The following NRXN1 variants were observed in gnomAD, a reference collection of about 807,000 sequenced individuals.
NRXN1 encodes the protein neurexin 1.
Under a neutral mutation model 150.9 loss-of-function variants are expected in NRXN1, and 39 were observed. The ratio of observed to expected loss-of-function variants is 0.26; its 90% CI spans 0.20 to 0.34. NRXN1 has a LOEUF of 0.34. Ranked by LOEUF, NRXN1 falls within the 10% of genes least tolerant of loss-of-function variation. The pLI is 1.00. For missense variants in NRXN1, 1,815 were observed against 1,949.9 expected, an observed-to-expected ratio of 0.93 and a Z score of 1.30; for synonymous variants, 924 against 757.0, an observed-to-expected ratio of 1.22 and a Z score of -3.62.
chr2:50,453,262 C>T (rs1293872926), intron 17 of NRXN1, among the ~76,000 whole-genome samples: 3 of 152,090 alleles, frequency 2.0e-5, no homozygotes, highest in Non-Finnish European at 4.4e-5. Flanking sequence ...GCACTACCTC[C>T]CAGAGTTCCC....
At chr2:50,829,994 T>A (rs1251671077) in intron 5 of NRXN1, among the ~76,000 whole-genome samples, 2 of 46,438 alleles carry the variant, frequency 4.3e-5, no homozygotes, top group African/African-American at 2.7e-4. Flanking sequence ...GAATACTGCC[T>A]GCTGGAAAAA....
chr2:51,027,990 A>C lies in NRXN1; in HGVS notation c.284T>G (p.Ile95Ser). The C allele has an allele frequency of 3.7e-6, 6 of 1,600,990 alleles. No individual in the cohort carries two copies. Among genetic ancestry groups the C allele is most frequent in the Non-Finnish European group, 5.1e-6 (6 of 1,178,680 alleles). ...GAGCGTCGCAGGCTCAGCGCAGAAG[A>C]TGGAGAAGCTGAGCTGCAGGCGGCC... The part of the protein sequence containing the change: ...RGGRLQLSFS[I>S]FCAEPATLLA... Residue 95 changes from isoleucine to serine, a missense_variant, in exon 2 of 23, where the codon ATC becomes AGC. Ile to Ser is a moderately radical substitution (Grantham distance 142, BLOSUM62 -2). Transcript: ENST00000401669.
At chr2:50,907,909 T>A (rs188971086) in intron 5 of NRXN1, among the ~76,000 whole-genome samples, 1 of 152,108 alleles carries the variant, frequency 6.6e-6, no homozygotes, top group Non-Finnish European at 1.5e-5. Context: ...TAATTTGTTA[T>A]GGCATCAATA....
At chr2:50,185,118 C>G (rs2060981362) in intron 18 of NRXN1, among the ~76,000 whole-genome samples, 1 of 152,080 alleles carries the variant, frequency 6.6e-6, no homozygotes, top group Non-Finnish European at 1.5e-5. Context: ...ATGAGAGAAA[C>G]TGAATGATCT....
intron 17 of NRXN1, among the ~76,000 whole-genome samples, chr2:50,387,094 A>G (rs1276513379): frequency 6.6e-6 from 1 of 152,160 alleles, no homozygotes; most frequent in Non-Finnish European, 1.5e-5. Context: ...GGTCTGATTC[A>G]CCCAATGGTT....
At chr2:50,210,252 A>G (rs1246962765) in intron 18 of NRXN1, among the ~76,000 whole-genome samples, 2 of 151,984 alleles carry the variant, frequency 1.3e-5, no homozygotes, top group African/African-American at 4.8e-5. Flanking sequence ...CATTATAAAA[A>G]TAACAACTCA....
At chr2:50,600,579 C>T (rs1201189855) in intron 8 of NRXN1, among the ~76,000 whole-genome samples, 1 of 152,150 alleles carries the variant, frequency 6.6e-6, no homozygotes, top group Non-Finnish European at 1.5e-5. Context: ...CCTGCCTCAG[C>T]CTCCCAAAGT....
intron 17 of NRXN1, among the ~76,000 whole-genome samples, chr2:50,276,793 C>T (rs1326369872): frequency 2.6e-5 from 4 of 151,996 alleles, no homozygotes; most frequent in African/African-American, 9.7e-5. Context: ...TAGGAAATCC[C>T]CTGTTTTAAT....
At chr2:50,993,628 T>C (rs1455321452) in intron 2 of NRXN1, among the ~76,000 whole-genome samples, 1 of 151,996 alleles carries the variant, frequency 6.6e-6, no homozygotes, top group East Asian at 1.9e-4. Context: ...CAACAGCTCA[T>C]GCTAAAATAT....
At chr2:50,684,881 AATACTT>A (rs1461579910) in intron 5 of NRXN1, among the ~76,000 whole-genome samples, 1 of 152,190 alleles carries the variant, frequency 6.6e-6, no homozygotes, top group Non-Finnish European at 1.5e-5. Flanking sequence ...ACATATTACT[AATACTT>A]GAAGAGTACT....
At chr2:50,426,503 GTATTT>G in intron 17 of NRXN1, among the ~76,000 whole-genome samples, 1 of 152,086 alleles carries the variant, frequency 6.6e-6, no homozygotes, top group Non-Finnish European at 1.5e-5. Flanking sequence ...ACAGTGTATT[GTATTT>G]TGTTTTCTAC....
At chr2:50,794,042 A>G (rs1022457286) in intron 5 of NRXN1, among the ~76,000 whole-genome samples, 1 of 152,066 alleles carries the variant, frequency 6.6e-6, no homozygotes, top group African/African-American at 2.4e-5. Flanking sequence ...AAGCCGTTAA[A>G]CACCCTAAAA....
chr2:49,950,860 T>G (rs1673820224), intron 21 of NRXN1, among the ~76,000 whole-genome samples: 1 of 152,006 alleles, frequency 6.6e-6, no homozygotes, highest in Non-Finnish European at 1.5e-5. Flanking sequence ...CAAATACCCC[T>G]TAAAACAGCC....
intron 10 of NRXN1, among the ~76,000 whole-genome samples, chr2:50,531,864 G>T (rs1325174634): frequency 3.3e-5 from 5 of 151,950 alleles, no homozygotes; most frequent in African/African-American, 1.2e-4. Context: ...TTGTTTGTTT[G>T]TTTGAGACAA....
chr2:49,960,374 CT>C lies in NRXN1; in HGVS notation c.4129-16584del, dbSNP rs147044869. On this transcript the variant is annotated intron_variant, in intron 21 of 22. Coordinates refer to ENST00000401669, the MANE Select transcript of NRXN1 (RefSeq NM_001330078.2). ...AGAGATCTAGTCATTCATATCTGCT[CT>C]TAGGTGGCCTATCTCACCAGTGTGG... Among the ~76,000 whole-genome samples the C allele has an allele frequency of 7.7e-3, 1,178 of 152,270 alleles. 112 individuals are homozygous for C. The East Asian group carries it at 0.19, about 25-fold the overall frequency.
At chr2:50,924,414 G>T (rs1282221129) in intron 3 of NRXN1, among the ~76,000 whole-genome samples, 1 of 151,726 alleles carries the variant, frequency 6.6e-6, no homozygotes, top group Non-Finnish European at 1.5e-5. Context: ...TGAAAAGAGA[G>T]AAGCATTCAT....
At position 50,449,341 on chromosome 2, in the gene NRXN1, G is replaced by C. The variant is rs543303713; in HGVS notation, c.3364+16101C>G. On this transcript the variant is annotated intron_variant, in intron 17 of 22. Transcript: ENST00000401669. Reference sequence around the variant, plus strand: ...ATTTACTAAACAAGTTAATCCAAAAGACGACATTATTTCTTTCTGAATTTT... The same window carrying C: ...ATTTACTAAACAAGTTAATCCAAAACACGACATTATTTCTTTCTGAATTTT... 1.5e-4 allele frequency among the ~76,000 whole-genome samples: 23 copies of C among 152,298 alleles called. No individual in the cohort carries two copies. The East Asian group carries it at 3.1e-3, about 20-fold the overall frequency.
intron 5 of NRXN1, among the ~76,000 whole-genome samples, chr2:50,693,188 GGAGA>G (rs1469518139): frequency 6.6e-6 from 1 of 152,138 alleles, no homozygotes; most frequent in Non-Finnish European, 1.5e-5. Context: ...AAAATCCAAA[GGAGA>G]GAATACAAAA....
intron 17 of NRXN1, among the ~76,000 whole-genome samples, chr2:50,296,881 C>CTTTTTTT (rs4032054): frequency 8.9e-6 from 1 of 112,948 alleles, no homozygotes. Context: ...TTCTTTCTTT[C>CTTTTTTT]TTTTTTTTTT....
Sources: allele counts gnomAD v4.1 joint callset (sites outside exome capture counted in the v4.1 genomes callset), GRCh38; gene constraint gnomAD v4.1.1; transcripts MANE v1.5; gene names NCBI Gene and HGNC (gene_info 2026-07-23, HGNC 2026-07-21).